The following NBAS variants were observed in gnomAD, a reference collection of about 807,000 sequenced individuals.
The protein encoded by NBAS is NAG/BC035112 fusion.
In NBAS, 219 loss-of-function variants were observed where a neutral mutation model predicts 302.5. That is an observed-to-expected ratio of 0.72 (90% CI 0.65 to 0.81). The LOEUF (loss-of-function observed/expected upper bound fraction) is 0.81, where lower values mean the gene tolerates loss of function less well. Ranked by LOEUF, NBAS falls within the 30% of genes least tolerant of loss-of-function variation. NBAS has a pLI of 0.00. For synonymous variants in NBAS, 1,118 were observed against 1,021.6 expected, an observed-to-expected ratio of 1.09 and a Z score of -1.80; for missense variants, 2,932 against 2,841.6, an observed-to-expected ratio of 1.03 and a Z score of -0.72.
At chr2:15,152,988 G>C in the NBAS span, among the ~76,000 whole-genome samples, 1 of 152,234 alleles carries the variant, frequency 6.6e-6, no homozygotes, top group African/African-American at 2.4e-5. Context: ...AGGCAGGAGA[G>C]AAATTAGAGA....
the NBAS span, among the ~76,000 whole-genome samples, chr2:14,883,971 C>CA: frequency 0.26 from 34,409 of 130,056 alleles, 4,335 homozygotes; most frequent in Non-Finnish European, 0.31. Context: ...GACCTTCTCT[C>CA]AAAAAAAATA....
intron 21 of NBAS, among the ~76,000 whole-genome samples, chr2:15,459,503 C>CTTTTTTTT (rs66914120): frequency 0.02 from 2,796 of 141,310 alleles, 100 homozygotes; most frequent in East Asian, 0.06. Flanking sequence ...AGCATTTTTT[C>CTTTTTTTT]TTTTTTTTTG....
chr2:15,274,095 T>C (rs1053554524), intron 44 of NBAS, among the ~76,000 whole-genome samples: 1 of 151,882 alleles, frequency 6.6e-6, no homozygotes, highest in Non-Finnish European at 1.5e-5. Flanking sequence ...AAAAAAATCA[T>C]CCTTATTTTT....
chr2:14,908,478 A>G, the NBAS span, among the ~76,000 whole-genome samples: 2 of 152,246 alleles, frequency 1.3e-5, no homozygotes, highest in Admixed American at 1.3e-4. Flanking sequence ...ATGTGCTCAT[A>G]TAGATACTAG....
chr2:15,192,655 A>C (rs936535706), intron 48 of NBAS, among the ~76,000 whole-genome samples: 1 of 152,172 alleles, frequency 6.6e-6, no homozygotes, highest in Non-Finnish European at 1.5e-5. Flanking sequence ...TTGAAATCTC[A>C]GAAGTTTTGC....
chr2:14,989,293 A>ATG, the NBAS span, among the ~76,000 whole-genome samples: 1,441 of 147,730 alleles, frequency 9.8e-3, 20 homozygotes, highest in African/African-American at 0.026. Context: ...ATGTATGTGT[A>ATG]TGTGTGTGTG....
the NBAS span, among the ~76,000 whole-genome samples, chr2:15,126,296 CTTG>C: frequency 2.4e-4 from 36 of 152,138 alleles, no homozygotes; most frequent in Non-Finnish European, 5.0e-4. Context: ...CAGCACCATG[CTTG>C]TTGTACAGCT....
the NBAS span, among the ~76,000 whole-genome samples, chr2:14,887,398 T>TTAAAAAAAAA: frequency 2.5e-4 from 24 of 95,664 alleles, no homozygotes; most frequent in Non-Finnish European, 3.0e-4. Flanking sequence ...GTGAGACTCC[T>TTAAAAAAAAA]CAAAAAAAAA....
At chr2:15,438,719 G>A (rs115274635) in intron 21 of NBAS, among the ~76,000 whole-genome samples, 1,927 of 152,328 alleles carry the variant, frequency 0.013, 32 homozygotes, top group East Asian at 0.057. Flanking sequence ...CAGAGAGCCA[G>A]AGTAGCTAGA....
the NBAS span, among the ~76,000 whole-genome samples, chr2:15,125,751 G>A: frequency 6.2e-4 from 95 of 152,282 alleles, no homozygotes; most frequent in African/African-American, 2.0e-3. Flanking sequence ...TTTACCCAAT[G>A]CCTGTACCAC....
At chr2:15,512,407 C>T (rs1009574901) in intron 9 of NBAS, among the ~76,000 whole-genome samples, 4 of 152,172 alleles carry the variant, frequency 2.6e-5, no homozygotes, top group Non-Finnish European at 5.9e-5. Flanking sequence ...ATTTTGTTCA[C>T]CTTGTGTGGC....
the NBAS span, among the ~76,000 whole-genome samples, chr2:14,870,650 G>A: frequency 6.6e-6 from 1 of 151,150 alleles, no homozygotes; most frequent in African/African-American, 2.4e-5. Flanking sequence ...AAAAAAAAAG[G>A]CAAAACAAAC....
the NBAS span, among the ~76,000 whole-genome samples, chr2:14,991,450 T>C: frequency 2.0e-5 from 3 of 152,324 alleles, no homozygotes; most frequent in South Asian, 4.1e-4. Context: ...GACACTCTTC[T>C]TCCCAGTGTT....
chr2:14,845,265 G>C, the NBAS span, among the ~76,000 whole-genome samples: 4 of 152,190 alleles, frequency 2.6e-5, no homozygotes, highest in African/African-American at 7.2e-5. Context: ...TCTCTGCCTG[G>C]TAATCAAAAG....
chr2:14,954,674 C>A, the NBAS span, among the ~76,000 whole-genome samples: 1 of 152,140 alleles, frequency 6.6e-6, no homozygotes, highest in Admixed American at 6.5e-5. Context: ...ACACATCGTT[C>A]TTCACATGAT....
At chr2:15,044,622 G>T in the NBAS span, among the ~76,000 whole-genome samples, 2 of 152,204 alleles carry the variant, frequency 1.3e-5, no homozygotes, top group Non-Finnish European at 2.9e-5. Flanking sequence ...ACCTGACTCA[G>T]ATCTCTGCAA....
In NBAS at chr2:15,222,176, G is replaced by T. The variant is rs538190010; in HGVS notation, c.6237-3208C>A. 3.9e-5 allele frequency among the ~76,000 whole-genome samples: 6 copies of T among 152,068 alleles called. 1 individual carries two copies. The South Asian group carries it at 1.0e-3, about 26-fold the overall frequency. ...TTATTAAGGATATCTGATCTTTTTT[G>T]CATGAAATGGGAATGATAGAGGATT... On this transcript the variant is annotated intron_variant, in intron 47 of 51. Coordinates refer to ENST00000281513, the MANE Select transcript of NBAS (RefSeq NM_015909.4).
At chr2:15,298,178 C>G (rs1670636425) in intron 40 of NBAS, among the ~76,000 whole-genome samples, 1 of 152,054 alleles carries the variant, frequency 6.6e-6, no homozygotes, top group Non-Finnish European at 1.5e-5. Flanking sequence ...GACCCCATCT[C>G]TACGAGAAAT....
At chr2:15,159,939 CTG>C in the NBAS span, among the ~76,000 whole-genome samples, 31 of 152,238 alleles carry the variant, frequency 2.0e-4, 2 homozygotes, top group African/African-American at 7.5e-4. Flanking sequence ...TGTTTCATCT[CTG>C]TGAGCCTCAC....
Sources: allele counts gnomAD v4.1 joint callset (sites outside exome capture counted in the v4.1 genomes callset), GRCh38; gene constraint gnomAD v4.1.1; transcripts MANE v1.5; gene names NCBI Gene and HGNC (gene_info 2026-07-23, HGNC 2026-07-21).